The following PTPRD variants were observed in gnomAD, a reference collection of about 807,000 sequenced individuals.
The protein encoded by PTPRD is protein tyrosine phosphatase receptor type D.
In PTPRD, 34 loss-of-function variants were observed where a neutral mutation model predicts 214.5. The ratio of observed to expected loss-of-function variants is 0.16; its 90% CI spans 0.12 to 0.21. The LOEUF (loss-of-function observed/expected upper bound fraction) is 0.21. Among genes scored for constraint, PTPRD ranks in the 10% least tolerant of loss-of-function variants. PTPRD has a pLI of 1.00. For synonymous variants in PTPRD, 1,128 were observed against 845.7 expected (o/e 1.33, Z -5.79); for missense variants, 2,545 against 2,398.7 (o/e 1.06, Z -1.27).
chr9:10,444,145 A>T (rs1179928296), intron 2 of PTPRD, among the ~76,000 whole-genome samples: 1 of 151,768 alleles, frequency 6.6e-6, no homozygotes, highest in East Asian at 1.9e-4. Flanking sequence ...AATAAAAACC[A>T]ATAAAAGCCA....
chr9:9,331,029 C>CA (rs765744127), intron 9 of PTPRD, among the ~76,000 whole-genome samples: 48 of 151,728 alleles, frequency 3.2e-4, no homozygotes, highest in Non-Finnish European at 5.3e-4. Flanking sequence ...ATAAAAAATC[C>CA]TGGGCAAACT....
At chr9:8,459,745 A>T (rs1306439206) in intron 33 of PTPRD, among the ~76,000 whole-genome samples, 1 of 152,110 alleles carries the variant, frequency 6.6e-6, no homozygotes, top group Admixed American at 6.6e-5. Flanking sequence ...AAATCAACAC[A>T]TGGGCATAAT....
Position 9,090,881 on chromosome 9 carries a change from C to T in PTPRD, c.-142-72146G>A, listed in dbSNP as rs1276602702. 2.4e-5 allele frequency: 25 copies of T among 1,027,794 alleles called. No homozygotes were observed. The Admixed American group carries it at 2.5e-4, about 10-fold the overall frequency. The allele number at this position is 1,027,794 out of a possible 1,614,324, so 63.7% of individuals were successfully genotyped here. ...AAAAATTTCTTTAAATAGCTGTCTC[C>T]GGTCCGTGCCTCCAAGATGACAAAG... On this transcript the variant is annotated intron_variant, in intron 10 of 45. Coordinates refer to ENST00000381196, the MANE Select transcript of PTPRD (RefSeq NM_002839.4).
intron 5 of PTPRD, among the ~76,000 whole-genome samples, chr9:9,896,132 G>C (rs894355420): frequency 6.6e-6 from 1 of 151,920 alleles, no homozygotes; most frequent in Non-Finnish European, 1.5e-5. Context: ...GAAGGGAGCT[G>C]AAGTCTTCTC....
At chr9:8,728,554 G>T (rs1272754788) in intron 12 of PTPRD, among the ~76,000 whole-genome samples, 1 of 152,186 alleles carries the variant, frequency 6.6e-6, no homozygotes, top group Non-Finnish European at 1.5e-5. Flanking sequence ...TCTGCCTACT[G>T]AAATGTATGC....
Position 9,313,709 on chromosome 9 carries a change from G to A in PTPRD, c.-203+83740C>T, listed in dbSNP as rs201676302. Among the ~76,000 whole-genome samples, 10 of 152,212 alleles carry A rather than the reference G, an allele frequency of 6.6e-5. No individual in the cohort carries two copies. The East Asian group carries it at 9.7e-4, about 15-fold the overall frequency. On this transcript the variant is annotated intron_variant, in intron 9 of 45. Coordinates refer to ENST00000381196, the MANE Select transcript of PTPRD (RefSeq NM_002839.4). ...GAGAAGGTGTTTACATTATATCTCCGAAAGGGCTTCTGATAAAAATTTATT... is the reference window on the plus strand; with the variant it reads ...GAGAAGGTGTTTACATTATATCTCCAAAAGGGCTTCTGATAAAAATTTATT...
chr9:8,720,865 C>T (rs1351031205), intron 12 of PTPRD, among the ~76,000 whole-genome samples: 1 of 151,986 alleles, frequency 6.6e-6, no homozygotes, highest in East Asian at 1.9e-4. Flanking sequence ...GGACCTGATG[C>T]CCACTGGCAT....
At chr9:10,117,518 G>C (rs1251766249) in intron 3 of PTPRD, among the ~76,000 whole-genome samples, 1 of 151,910 alleles carries the variant, frequency 6.6e-6, no homozygotes, top group Non-Finnish European at 1.5e-5. Flanking sequence ...ATACGTCCTT[G>C]CTTCCTTCAG....
chr9:10,137,452 CA>C lies in PTPRD; in HGVS notation c.-544-103663del, dbSNP rs1311876419. On this transcript the variant is annotated intron_variant, in intron 3 of 45. Transcript: ENST00000381196. ...CATTCTCAGTAAACTATCGCAAGAA[CA>C]AAAAACCAAACACCGCATATTCTCA... is the stretch of plus-strand genomic sequence containing the variant. Among the ~76,000 whole-genome samples, 132 of 43,626 alleles carry C rather than the reference CA, an allele frequency of 3.0e-3. 3 individuals are homozygous for C. Among genetic ancestry groups the C allele is most frequent in the Non-Finnish European group, 3.9e-3 (97 of 25,038 alleles). The allele number at this position is 43,626 out of a possible 152,430, so 28.6% of individuals were successfully genotyped here. A position where few individuals can be genotyped will look rare whatever the true frequency, so the allele number is the denominator to read the frequency against.
intron 5 of PTPRD, among the ~76,000 whole-genome samples, chr9:9,798,614 A>G (rs1565352312): frequency 1.3e-5 from 2 of 152,202 alleles, no homozygotes; most frequent in East Asian, 1.9e-4. Context: ...AAATGTTAAG[A>G]TGCCATATTT....
At chr9:9,107,216 T>G (rs941845934) in intron 10 of PTPRD, among the ~76,000 whole-genome samples, 2 of 152,156 alleles carry the variant, frequency 1.3e-5, no homozygotes, top group Admixed American at 1.3e-4. Flanking sequence ...AAAGCCAGAC[T>G]TTGAAATAAT....
intron 11 of PTPRD, among the ~76,000 whole-genome samples, chr9:8,993,740 G>C (rs1433936729): frequency 6.6e-6 from 1 of 152,054 alleles, no homozygotes; most frequent in Non-Finnish European, 1.5e-5. Flanking sequence ...AAGTCCTGAT[G>C]AAGGAAGAGT....
At chr9:10,030,306 G>C (rs538690156) in intron 4 of PTPRD, among the ~76,000 whole-genome samples, 1 of 132,378 alleles carries the variant, frequency 7.6e-6, no homozygotes, top group East Asian at 3.2e-4. Context: ...AAACTGGGTA[G>C]ATACCCTTTA....
chr9:8,836,672 C>CTG (rs200296616), intron 11 of PTPRD, among the ~76,000 whole-genome samples: 13,901 of 140,066 alleles, frequency 0.099, 703 homozygotes, highest in African/African-American at 0.1. Flanking sequence ...TCTCGGCTCA[C>CTG]TGCAGCCTCT....
At chr9:9,307,099 G>C (rs1171954907) in intron 9 of PTPRD, among the ~76,000 whole-genome samples, 1 of 152,164 alleles carries the variant, frequency 6.6e-6, no homozygotes. Flanking sequence ...TTTCAAGTAA[G>C]CTTTGTAATC....
intron 3 of PTPRD, among the ~76,000 whole-genome samples, chr9:10,198,761 C>A (rs1269806486): frequency 1.3e-5 from 2 of 152,010 alleles, no homozygotes; most frequent in Non-Finnish European, 2.9e-5. Context: ...AAAATGAATC[C>A]ATTATTCCCA....
chr9:8,472,499 G>C (rs2096673112), intron 30 of PTPRD, among the ~76,000 whole-genome samples: 1 of 152,176 alleles, frequency 6.6e-6, no homozygotes, highest in Non-Finnish European at 1.5e-5. Flanking sequence ...TCCATTAAGA[G>C]TCTAGAGCAG....
chr9:10,249,471 C>G (rs983821769), intron 3 of PTPRD, among the ~76,000 whole-genome samples: 4 of 152,116 alleles, frequency 2.6e-5, no homozygotes, highest in Non-Finnish European at 5.9e-5. Flanking sequence ...TTCCTTGAAG[C>G]TGGTTTGATA....
At chr9:8,335,371 C>T (rs1295112476) in intron 43 of PTPRD, among the ~76,000 whole-genome samples, 2 of 151,122 alleles carry the variant, frequency 1.3e-5, no homozygotes, top group Non-Finnish European at 3.0e-5. Context: ...CCATCACATA[C>T]ACAGAACCAA....
Sources: allele counts gnomAD v4.1 joint callset (sites outside exome capture counted in the v4.1 genomes callset), GRCh38; gene constraint gnomAD v4.1.1; transcripts MANE v1.5; gene names NCBI Gene and HGNC (gene_info 2026-07-23, HGNC 2026-07-21).